NLGN4X: variants seen among roughly 807,000 people sequenced by gnomAD.
The protein encoded by NLGN4X is neuroligin 4 X-linked.
Under a neutral mutation model 40.3 loss-of-function variants are expected in NLGN4X, and 3 were observed. The observed-to-expected ratio is 0.07, with a 90% CI of 0.03 to 0.19. The LOEUF is 0.19. Ranked by LOEUF, NLGN4X falls within the 10% of genes least tolerant of loss-of-function variation. NLGN4X has a pLI of 1.00. For missense variants in NLGN4X, 382 were observed against 708.3 expected (o/e 0.54, Z 5.23); for synonymous variants, 270 against 306.8 (o/e 0.88, Z 1.25).
chrX:5,987,180 T>C (rs1469109187), intron 3 of NLGN4X, among the ~76,000 whole-genome samples: 1 of 111,462 alleles, frequency 9.0e-6, no homozygotes, highest in Non-Finnish European at 1.9e-5. Context: ...GCAACACATA[T>C]GAAATTTATA....
intron 2 of NLGN4X, among the ~76,000 whole-genome samples, chrX:6,141,341 G>A (rs1344648945): frequency 2.7e-5 from 3 of 111,719 alleles, no homozygotes; most frequent in Admixed American, 1.9e-4. Context: ...GAAAGATAAA[G>A]TCATGGGATT....
chrX:5,896,907 C>T (rs565081149), intron 5 of NLGN4X, among the ~76,000 whole-genome samples: 7 of 111,982 alleles, frequency 6.3e-5, no homozygotes, highest in South Asian at 3.7e-4. Flanking sequence ...GCCAGAATTA[C>T]GCTGCAACTC....
chrX:6,110,654 A>G (rs2039127447), intron 2 of NLGN4X, among the ~76,000 whole-genome samples: 1 of 111,850 alleles, frequency 8.9e-6, no homozygotes, highest in African/African-American at 3.3e-5. Flanking sequence ...TAGGAGGAGC[A>G]TATCTGGACA....
At chrX:6,214,171 T>C (rs143115528) in intron 1 of NLGN4X, among the ~76,000 whole-genome samples, 1 of 111,200 alleles carries the variant, frequency 9.0e-6, no homozygotes, top group Admixed American at 9.6e-5. Flanking sequence ...ATGTCAGGAG[T>C]GGAGTGGGCT....
At chrX:5,899,409 C>T in intron 5 of NLGN4X, among the ~76,000 whole-genome samples, 1 of 111,822 alleles carries the variant, frequency 8.9e-6, no homozygotes, top group African/African-American at 3.3e-5. Flanking sequence ...TCAGGGCCTT[C>T]ATGAAAGCTA....
rs35006258 is a variant in NLGN4X, at chrX:6,030,394, A to ATGTGTGTGTGTGTGTGTGTGTGTGTG, written c.473-988_473-963dup. Among the ~76,000 whole-genome samples, 907 of 100,106 alleles carry ATGTGTGTGTGTGTGTGTGTGTGTGTG rather than the reference A, an allele frequency of 9.1e-3. 12 individuals are homozygous for ATGTGTGTGTGTGTGTGTGTGTGTGTG. Among genetic ancestry groups the ATGTGTGTGTGTGTGTGTGTGTGTGTG allele is most frequent in the African/African-American group, 0.031 (819 of 26,773 alleles). The allele number at this position is 100,106 out of a possible 115,157, so 86.9% of individuals were successfully genotyped here. ...CGTATAAATATTTCTGGATACAGAT[A>ATGTGTGTGTGTGTGTGTGTGTGTGTG]TGTGTGTGTGTGTGTGTGTGTGTGT... On this transcript the variant is annotated intron_variant, in intron 2 of 5. Transcript: ENST00000381095.
At chrX:5,981,833 T>A (rs1016341895) in intron 3 of NLGN4X, among the ~76,000 whole-genome samples, 6 of 111,279 alleles carry the variant, frequency 5.4e-5, no homozygotes, top group African/African-American at 2.0e-4. Context: ...TTTCTCCCAG[T>A]AACTCTCCAA....
At chrX:6,087,401 G>A (rs1334962992) in intron 2 of NLGN4X, among the ~76,000 whole-genome samples, 1 of 111,495 alleles carries the variant, frequency 9.0e-6, no homozygotes, top group African/African-American at 3.3e-5. Context: ...GTATCTATAC[G>A]TGCATACATA....
intron 1 of NLGN4X, among the ~76,000 whole-genome samples, chrX:6,161,507 T>C (rs1280583068): frequency 9.6e-6 from 1 of 103,631 alleles, no homozygotes; most frequent in Non-Finnish European, 1.9e-5. Flanking sequence ...CATAGAATAA[T>C]ATAAAACATT....
intron 2 of NLGN4X, among the ~76,000 whole-genome samples, chrX:6,035,088 G>A (rs1024455003): frequency 1.8e-5 from 2 of 111,885 alleles, no homozygotes; most frequent in Admixed American, 1.9e-4. Flanking sequence ...TGTCTTTGCA[G>A]AAATGTCTAT....
intron 3 of NLGN4X, among the ~76,000 whole-genome samples, chrX:5,966,567 T>C (rs1298970797): frequency 1.8e-5 from 2 of 112,759 alleles, no homozygotes; most frequent in Non-Finnish European, 3.8e-5. Flanking sequence ...TTTTACCTCG[T>C]ACCACTTTGC....
At chrX:5,984,520 T>A (rs938047894) in intron 3 of NLGN4X, among the ~76,000 whole-genome samples, 1 of 111,471 alleles carries the variant, frequency 9.0e-6, no homozygotes, top group Non-Finnish European at 1.9e-5. Flanking sequence ...ATTGCAAATT[T>A]CAAGGTCATC....
chrX:5,960,166 A>G (rs760110975), intron 3 of NLGN4X, among the ~76,000 whole-genome samples: 1 of 110,744 alleles, frequency 9.0e-6, no homozygotes, highest in East Asian at 2.8e-4. Context: ...ATATTACACA[A>G]CTGCTTGAAA....
At position 6,030,394 on chromosome X, in the gene NLGN4X, A is replaced by ATGTGTGTGTGTGTGTGTGTGTGTG. The variant is rs35006258; in HGVS notation, c.473-986_473-963dup. On this transcript the variant is annotated intron_variant, in intron 2 of 5. Coordinates refer to ENST00000381095, the MANE Select transcript of NLGN4X (RefSeq NM_181332.3). ...CGTATAAATATTTCTGGATACAGAT[A>ATGTGTGTGTGTGTGTGTGTGTGTG]TGTGTGTGTGTGTGTGTGTGTGTGT... Among the ~76,000 whole-genome samples, 541 of 100,118 alleles carry ATGTGTGTGTGTGTGTGTGTGTGTG rather than the reference A, an allele frequency of 5.4e-3. 6 individuals carry two copies. The highest frequency in any genetic ancestry group is 0.016 in the African/African-American group (421 of 26,789). The allele number at this position is 100,118 out of a possible 115,157, so 86.9% of individuals were successfully genotyped here. A position where few individuals can be genotyped will look rare whatever the true frequency, so the allele number is the denominator to read the frequency against.
At chrX:5,920,118 C>T (rs1177647226) in intron 3 of NLGN4X, among the ~76,000 whole-genome samples, 5 of 111,462 alleles carry the variant, frequency 4.5e-5, no homozygotes, top group East Asian at 5.6e-4. Context: ...ATGATGACAA[C>T]GAAGCAGCTA....
chrX:6,013,703 T>C (rs908524128), intron 3 of NLGN4X, among the ~76,000 whole-genome samples: 2 of 109,113 alleles, frequency 1.8e-5, no homozygotes, highest in African/African-American at 3.3e-5. Flanking sequence ...TAAACAAATA[T>C]AAAACTTAGC....
chrX:6,147,187 A>T (rs2040067329), intron 2 of NLGN4X, among the ~76,000 whole-genome samples: 1 of 111,939 alleles, frequency 8.9e-6, no homozygotes, highest in African/African-American at 3.2e-5. Context: ...AAATCTTTCA[A>T]GAATAAGACC....
Position 6,192,666 on chromosome X carries a change from G to A in NLGN4X, c.-306+35875C>T, listed in dbSNP as rs182895682. Among the ~76,000 whole-genome samples, 322 of 111,405 alleles carry A rather than the reference G, an allele frequency of 2.9e-3. 2 individuals carry two copies. The highest frequency in any genetic ancestry group is 9.7e-3 in the African/African-American group (298 of 30,660). On this transcript the variant is annotated intron_variant, in intron 1 of 5. Coordinates refer to ENST00000381095, the MANE Select transcript of NLGN4X (RefSeq NM_181332.3). The stretch of plus-strand genomic sequence containing the variant: ...ATGCAAACAGAATGAAGGGGCCTGC[G>A]TAACAGCAGCACATGTTTCCCATAA...
Position 5,921,026 on chromosome X carries a change from T to G in NLGN4X, c.626-11787A>C, listed in dbSNP as rs772017177. Among the ~76,000 whole-genome samples, 3 of 109,711 alleles carry G rather than the reference T, an allele frequency of 2.7e-5. No homozygotes were observed. In the East Asian group the frequency reaches 8.6e-4, roughly 32 times the overall value. On this transcript the variant is annotated intron_variant, in intron 3 of 5. Transcript: ENST00000381095. ...CGCTAATAGCATGTTGTGTTTACACTGCCTTTAGTCCAAAACACAACATCT... is the reference window on the plus strand; with the variant it reads ...CGCTAATAGCATGTTGTGTTTACACGGCCTTTAGTCCAAAACACAACATCT...
Sources: allele counts gnomAD v4.1 joint callset (sites outside exome capture counted in the v4.1 genomes callset), GRCh38; gene constraint gnomAD v4.1.1; transcripts MANE v1.5; gene names NCBI Gene and HGNC (gene_info 2026-07-23, HGNC 2026-07-21).